COL23A1: variants seen among roughly 807,000 people sequenced by gnomAD.
COL23A1 encodes the protein collagen type XXIII alpha 1 chain.
In COL23A1, 97 loss-of-function variants were observed where a neutral mutation model predicts 99.3. That is an observed-to-expected ratio of 0.98 (90% CI 0.83 to 1.16). COL23A1 has a LOEUF of 1.16. COL23A1 is among the 50% of genes most tolerant of loss of function. COL23A1 has a pLI of 0.00. For synonymous variants in COL23A1, 320 were observed against 308.2 expected, an observed-to-expected ratio of 1.04 and a Z score of -0.40; for missense variants, 762 against 757.4, an observed-to-expected ratio of 1.01 and a Z score of -0.07.
chr5:178,249,492 C>T (rs1451599280), intron 18 of COL23A1, among the ~76,000 whole-genome samples: 1 of 152,210 alleles, frequency 6.6e-6, no homozygotes, highest in African/African-American at 2.4e-5. Context: ...ACTCATGGGG[C>T]CAGCTCTGTG....
At chr5:178,318,431 G>A (rs1759094398) in intron 2 of COL23A1, among the ~76,000 whole-genome samples, 1 of 152,220 alleles carries the variant, frequency 6.6e-6, no homozygotes, top group African/African-American at 2.4e-5. Context: ...GGCCCAGGCA[G>A]CTGAAGGGAG....
At chr5:178,354,982 C>T (rs1030011558) in intron 2 of COL23A1, among the ~76,000 whole-genome samples, 36 of 150,832 alleles carry the variant, frequency 2.4e-4, no homozygotes, top group Non-Finnish European at 2.7e-4. Context: ...CGCTTGAAAC[C>T]GGGAGGCGGA....
At chr5:178,479,057 T>A (rs1429625081) in intron 2 of COL23A1, among the ~76,000 whole-genome samples, 1 of 151,940 alleles carries the variant, frequency 6.6e-6, no homozygotes, top group Non-Finnish European at 1.5e-5. Flanking sequence ...AGGGCAGCCA[T>A]CTCAGTGGCC....
chr5:178,248,167 C>A (rs988292462), intron 20 of COL23A1, 25 bp downstream of exon 20: 6 of 1,509,546 alleles, frequency 4.0e-6, no homozygotes, highest in Non-Finnish European at 5.5e-6. Context: ...TTGGGGGAAG[C>A]CCTGACCCCC....
At chr5:178,541,046 A>G (rs934033507) in intron 2 of COL23A1, among the ~76,000 whole-genome samples, 31 of 152,392 alleles carry the variant, frequency 2.0e-4, no homozygotes, top group African/African-American at 7.2e-4. Flanking sequence ...GACTGAGAAC[A>G]GTCAAGGCAA....
chr5:178,405,389 T>C (rs1764707884), intron 2 of COL23A1, among the ~76,000 whole-genome samples: 1 of 152,264 alleles, frequency 6.6e-6, no homozygotes, highest in African/African-American at 2.4e-5. Context: ...TTGTATTTTC[T>C]TTCTGACCCA....
intron 2 of COL23A1, among the ~76,000 whole-genome samples, chr5:178,335,410 G>A (rs181855978): frequency 6.6e-6 from 1 of 152,354 alleles, no homozygotes; most frequent in African/African-American, 2.4e-5. Flanking sequence ...CCCATAGGAA[G>A]AGCGGTCCCC....
chr5:178,292,563 G>A (rs1757518436), intron 3 of COL23A1, among the ~76,000 whole-genome samples: 1 of 152,202 alleles, frequency 6.6e-6, no homozygotes, highest in African/African-American at 2.4e-5. Flanking sequence ...GCAGAGAGAG[G>A]GTGAGACCTG....
intron 2 of COL23A1, among the ~76,000 whole-genome samples, chr5:178,379,061 G>A (rs1000138917): frequency 2.0e-5 from 3 of 152,174 alleles, no homozygotes; most frequent in Admixed American, 2.0e-4. Context: ...ACATTAGCCT[G>A]TCTGGTTATG....
chr5:178,248,119 C>T (rs1581443816), intron 20 of COL23A1, 73 bp downstream of exon 20: 3 of 1,173,132 alleles, frequency 2.6e-6, no homozygotes, highest in East Asian at 2.3e-5. Flanking sequence ...GCCTTTTTGT[C>T]CCAAGGCTCA....
intron 2 of COL23A1, among the ~76,000 whole-genome samples, chr5:178,518,430 TGGTGGC>T (rs1759694281): frequency 6.8e-6 from 1 of 146,602 alleles, no homozygotes; most frequent in Non-Finnish European, 1.5e-5. Flanking sequence ...CCAGACGGGG[TGGTGGC>T]CGGGCAGAGG....
intron 2 of COL23A1, among the ~76,000 whole-genome samples, chr5:178,531,146 T>C (rs767250096): frequency 1.3e-5 from 2 of 152,182 alleles, no homozygotes; most frequent in Non-Finnish European, 2.9e-5. Flanking sequence ...GGATTACAGG[T>C]GTGAGCCACC....
At chr5:178,259,578 G>C (rs1354610736) in intron 12 of COL23A1, 143 bp downstream of exon 12, 1 of 735,596 alleles carries the variant, frequency 1.4e-6, no homozygotes, top group Non-Finnish European at 2.2e-6. Context: ...CTCAGGGCTG[G>C]TGGAGAGAAG....
chr5:178,553,394 G>A (rs1762111398), intron 2 of COL23A1, among the ~76,000 whole-genome samples: 1 of 152,094 alleles, frequency 6.6e-6, no homozygotes, highest in South Asian at 2.1e-4. Context: ...ACTCCTCTAC[G>A]CAAACTGCCA....
Position 178,371,827 on chromosome 5 carries a change from G to A in COL23A1, c.362-64908C>T, listed in dbSNP as rs2973718. Among the ~76,000 whole-genome samples, 1,253 of 152,328 alleles carry A rather than the reference G, an allele frequency of 8.2e-3. 13 individuals are homozygous for A. The highest frequency in any genetic ancestry group is 0.028 in the African/African-American group (1,168 of 41,574). ...GGCTCCACGGAGTGAATCTGAGGGC[G>A]GAAATGTTTCTAAGCATTCATTTTC... On this transcript the variant is annotated intron_variant, in intron 2 of 28. Coordinates refer to ENST00000390654, the MANE Select transcript of COL23A1 (RefSeq NM_173465.4).
Position 178,308,967 on chromosome 5 carries a change from C to T in COL23A1, c.362-2048G>A, listed in dbSNP as rs1428397566. ...AGTGGCCACCCACAAAGCTTCGGGGCTCTTGCCAGGCCTCAGGTTGTGCTC... is the reference window on the plus strand; with the variant it reads ...AGTGGCCACCCACAAAGCTTCGGGGTTCTTGCCAGGCCTCAGGTTGTGCTC... On this transcript the variant is annotated intron_variant, in intron 2 of 28. Transcript: ENST00000390654. This position sits in a 1 kb window ranked among gnomAD's most constrained non-coding sequence, Gnocchi z 5.1. 1.3e-5 allele frequency among the ~76,000 whole-genome samples: 2 copies of T among 152,318 alleles called. No homozygotes were observed. Among genetic ancestry groups the T allele is most frequent in the Admixed American group, 6.5e-5 (1 of 15,306 alleles).
intron 2 of COL23A1, among the ~76,000 whole-genome samples, chr5:178,511,702 C>T (rs1002846613): frequency 1.3e-5 from 2 of 152,162 alleles, no homozygotes; most frequent in African/African-American, 4.8e-5. Context: ...GCTGCCAGTC[C>T]TCCCACCAAA....
At chr5:178,411,051 A>G (rs1443969819) in intron 2 of COL23A1, among the ~76,000 whole-genome samples, 1 of 152,178 alleles carries the variant, frequency 6.6e-6, no homozygotes, top group Non-Finnish European at 1.5e-5. Context: ...GATGCTCAAC[A>G]CTATTAATCA....
intron 2 of COL23A1, among the ~76,000 whole-genome samples, chr5:178,374,718 T>C (rs947666495): frequency 1.3e-5 from 2 of 152,132 alleles, no homozygotes; most frequent in African/African-American, 4.8e-5. Context: ...AGTCAGATAA[T>C]AACAGGTGTT....
Sources: gnomAD v4.1 joint callset for allele counts (sites outside exome capture counted in the v4.1 genomes callset) on GRCh38, gnomAD v4.1.1 for gene constraint, Gnocchi (gnomAD v3.1) non-coding constraint, MANE v1.5 for transcripts, NCBI Gene and HGNC (gene_info 2026-07-23, HGNC 2026-07-21) for gene names.